RET: variants seen among roughly 807,000 people sequenced by gnomAD.
The protein encoded by RET is proto-oncogene tyrosine-protein kinase receptor Ret.
In RET, 19 loss-of-function variants were observed where a neutral mutation model predicts 118.3. The observed-to-expected ratio is 0.16, with a 90% CI of 0.11 to 0.24. RET has a LOEUF of 0.24. RET is among the 10% of genes least tolerant of loss of function. RET has a pLI of 1.00. For synonymous variants in RET, 597 were observed against 644.1 expected, an observed-to-expected ratio of 0.93 and a Z score of 1.11; for missense variants, 1,219 against 1,502.1, an observed-to-expected ratio of 0.81 and a Z score of 3.12.
intron 16 of RET, 59 bp from the exon 17 acceptor site, chr10:43,123,612 C>T: frequency 9.3e-6 from 15 of 1,612,082 alleles, no homozygotes; most frequent in Non-Finnish European, 1.3e-5. Context: ...ATCTGGGCCC[C>T]CCGGAGGGCT....
chr10:43,117,064 G>T (rs1336994080), intron 12 of RET, among the ~76,000 whole-genome samples: 1 of 152,246 alleles, frequency 6.6e-6, no homozygotes, highest in Non-Finnish European at 1.5e-5. Flanking sequence ...CTGGGGTCTT[G>T]GTGAAGAGAC....
At chr10:43,095,592 G>A (rs1340546735) in intron 1 of RET, among the ~76,000 whole-genome samples, 1 of 152,240 alleles carries the variant, frequency 6.6e-6, no homozygotes, top group Non-Finnish European at 1.5e-5. Context: ...CCAGCCACGT[G>A]TGGAACATTG....
intron 1 of RET, among the ~76,000 whole-genome samples, chr10:43,099,317 C>A (rs2132646955): frequency 6.6e-6 from 1 of 152,220 alleles, no homozygotes; most frequent in Non-Finnish European, 1.5e-5. Context: ...CGAGACCAGC[C>A]TGACCAACAT....
intron 1 of RET, among the ~76,000 whole-genome samples, chr10:43,077,688 A>AC: frequency 6.6e-6 from 1 of 152,082 alleles, no homozygotes. Context: ...TTCGGGGCCG[A>AC]CCTGGCGGAC....
At chr10:43,127,941 C>T (rs964568219) in intron 19 of RET, among the ~76,000 whole-genome samples, 171 bp from the exon 20 acceptor site, 7 of 152,114 alleles carry the variant, frequency 4.6e-5, no homozygotes, top group African/African-American at 1.7e-4. Flanking sequence ...TGATATTTCC[C>T]CTAACTATAA....
chr10:43,106,418 G>T lies in RET; in HGVS notation c.910G>T (p.Val304Leu). 6.2e-7 allele frequency: 1 copy of T among 1,613,314 alleles called. No individual in the cohort carries two copies. Among genetic ancestry groups the T allele is most frequent in the Non-Finnish European group, 8.5e-7 (1 of 1,179,886 alleles). The change falls in exon 5 of 20, where the codon GTA (valine) becomes TTA (leucine). Residue 304 changes from valine to leucine, a missense_variant. By Grantham distance (32) the Val-to-Leu change is conservative. This residue lies in a region of RET where 850 missense variants were observed against 969.6 expected (regional missense o/e 0.88). Transcript: ENST00000355710. The surrounding 1 kb of genome is among the most constrained non-coding windows in gnomAD (Gnocchi z 5.1). The part of the protein sequence containing the change: ...ATLRVFDADV[V>L]PASGELVRRY... ...GCTGCGTGTCTTCGATGCAGACGTGGTACCTGCATCAGGGGAGCTGGTGAG... is the reference window on the plus strand; with the variant it reads ...GCTGCGTGTCTTCGATGCAGACGTGTTACCTGCATCAGGGGAGCTGGTGAG...
At chr10:43,107,737 G>C (rs948654765) in intron 5 of RET, among the ~76,000 whole-genome samples, 19 of 152,130 alleles carry the variant, frequency 1.2e-4, no homozygotes, top group Admixed American at 3.9e-4. Flanking sequence ...CAAGGTGGTG[G>C]AGTTACAGTT....
At chr10:43,116,447 C>T (rs2132898137) in intron 11 of RET, 137 bp from the exon 12 acceptor site, 2 of 1,111,744 alleles carry the variant, frequency 1.8e-6, no homozygotes, top group Non-Finnish European at 2.7e-6. Flanking sequence ...AGCGTTGCCG[C>T]TGGCTCAGAT....
chr10:43,096,298 C>A (rs1837521816), intron 1 of RET, among the ~76,000 whole-genome samples: 1 of 152,122 alleles, frequency 6.6e-6, no homozygotes, highest in African/African-American at 2.4e-5. Flanking sequence ...GGATGGGAAG[C>A]CAACCAGCAG....
intron 1 of RET, among the ~76,000 whole-genome samples, chr10:43,089,811 G>A (rs887724294): frequency 3.4e-4 from 52 of 152,390 alleles, no homozygotes; most frequent in African/African-American, 1.2e-3. Flanking sequence ...AGAGCAGGTT[G>A]AGTGTATGGG....
rs952156592 is a variant in RET, at chr10:43,093,301, G to A, written c.74-7158G>A. ...CTGCCCAGCATGTGGTCCAGGGTTG[G>A]ACAGGGGTGGCAGAGGGGACTTGGG... On this transcript the variant is annotated intron_variant, in intron 1 of 19. Coordinates refer to ENST00000355710, the MANE Select transcript of RET (RefSeq NM_020975.6). 4.7e-4 allele frequency among the ~76,000 whole-genome samples: 71 copies of A among 152,168 alleles called. 5 individuals are homozygous for A. The highest frequency in any genetic ancestry group is 4.6e-3 in the Admixed American group (71 of 15,278).
At chr10:43,098,213 C>T (rs1837561754) in intron 1 of RET, among the ~76,000 whole-genome samples, 1 of 152,194 alleles carries the variant, frequency 6.6e-6, no homozygotes, top group South Asian at 2.1e-4. Flanking sequence ...CAAACTTAAA[C>T]TCTGTCCCTA....
chr10:43,128,657 G>A lies in RET; in HGVS notation c.*388G>A, dbSNP rs3026782. 69,629 of 382,804 alleles carry A rather than the reference G, an allele frequency of 0.18. 7,103 individuals are homozygous for A. Among genetic ancestry groups the A allele is most frequent in the Admixed American group, 0.27 (6,382 of 23,962 alleles). The allele number at this position is 382,804 out of a possible 1,614,324, so 23.7% of individuals were successfully genotyped here. On this transcript the variant is annotated 3_prime_UTR_variant, in exon 20 of 20. Coordinates refer to ENST00000355710, the MANE Select transcript of RET (RefSeq NM_020975.6). ...GAACTGTTGGATTTTTCTAGTTGCCGCCAAACAAGGCAAAAAAATTTAAAC... is the reference window on the plus strand; with the variant it reads ...GAACTGTTGGATTTTTCTAGTTGCCACCAAACAAGGCAAAAAAATTTAAAC...
chr10:43,113,586 G>A lies in RET; in HGVS notation c.1790G>A (p.Gly597Glu), dbSNP rs1249950304. The A allele has an allele frequency of 1.2e-6, 2 of 1,611,210 alleles. No individual in the cohort carries two copies. Reference protein sequence around the residue: ...RGSIVGGHEPGEPRGIKAGYG... With the variant: ...RGSIVGGHEPEEPRGIKAGYG... ...AGCATTGTTGGGGGACACGAGCCTG[G>A]GGAGCCCCGGGGGATTAAAGCTGGC... Residue 597 changes from glycine (G) to glutamate (E), a missense_variant, in exon 10 of 20, where the codon GGG becomes GAG. Gly to Glu is a moderately conservative substitution (Grantham distance 98). Coordinates refer to ENST00000355710, the MANE Select transcript of RET (RefSeq NM_020975.6).
intron 1 of RET, among the ~76,000 whole-genome samples, chr10:43,093,155 C>G (rs1283153695): frequency 6.6e-6 from 1 of 152,082 alleles, no homozygotes; most frequent in Non-Finnish European, 1.5e-5. Context: ...GCAGAGGGGG[C>G]CCTGGGAGCC....
rs1837971699 is a variant in RET at position 43,112,864 on chromosome 10, A to G, written c.1660A>G (p.Asn554Asp). Reference protein sequence around the residue: ...RQGDGKGITRNFSTCSPSTKT... With the variant: ...RQGDGKGITRDFSTCSPSTKT... ...TGTGTCCTGTGCAGGGATCACCAGG[A>G]ACTTCTCCACCTGCTCTCCCAGCAC... The change falls in exon 9 of 20, where the codon AAC becomes GAC. Residue 554 changes from asparagine to aspartate, a missense_variant. Asn to Asp is a conservative substitution (Grantham distance 23). Around this residue, in one of 5 missense-constraint regions of RET, gnomAD observed 850 missense variants for 969.6 expected, o/e 0.88. Coordinates refer to ENST00000355710, the MANE Select transcript of RET (RefSeq NM_020975.6). 6.2e-7 allele frequency: 1 copy of G among 1,613,964 alleles called. No homozygotes were observed. The highest frequency in any genetic ancestry group is 1.6e-4 in the Middle Eastern group (1 of 6,062).
chr10:43,124,963 A>C lies in RET; in HGVS notation c.3020A>C (p.Lys1007Thr), dbSNP rs759798237. The change falls in exon 18 of 20, where the codon AAG becomes ACG. Residue 1007 changes from lysine to threonine, a missense_variant. Coordinates refer to ENST00000355710, the MANE Select transcript of RET (RefSeq NM_020975.6). ...GCGGACATCAGCAAAGACCTGGAGA[A>C]GATGATGGTTAAGAGGAGAGTGAGT... is the stretch of plus-strand genomic sequence containing the variant. Reference protein sequence around the residue: ...VFADISKDLEKMMVKRRDYLD... With the variant: ...VFADISKDLETMMVKRRDYLD... 3 of 1,614,092 alleles carry C rather than the reference A, an allele frequency of 1.9e-6. No homozygotes were observed. Among genetic ancestry groups the C allele is most frequent in the African/African-American group, 1.3e-5 (1 of 74,932 alleles).
intron 5 of RET, 139 bp from the exon 6 acceptor site, chr10:43,108,892 G>A: frequency 2.4e-6 from 2 of 824,842 alleles, no homozygotes. Flanking sequence ...CCAGCCCCAG[G>A]CCTGTTGCAT....
Position 43,088,176 on chromosome 10 carries a change from G to A in RET, c.73+10845G>A, listed in dbSNP as rs1230640340. ...TGGTGATGGTGCTGGTGGAGGCAAC[G>A]GTGATGGTGGTGGTGATGGTGAAGA... On this transcript the variant is annotated intron_variant, in intron 1 of 19. Transcript: ENST00000355710. 5.9e-5 allele frequency among the ~76,000 whole-genome samples: 9 copies of A among 151,966 alleles called. No homozygotes were observed. The South Asian group carries it at 8.3e-4, about 14-fold the overall frequency.
Sources: gnomAD v4.1 joint callset for allele counts (sites outside exome capture counted in the v4.1 genomes callset) on GRCh38, gnomAD v4.1.1 for gene constraint, gnomAD v4.1.1 regional missense constraint, Gnocchi (gnomAD v3.1) non-coding constraint, MANE v1.5 for transcripts, NCBI Gene and HGNC (gene_info 2026-07-23, HGNC 2026-07-21) for gene names.